Variants in NPRL3 observed in about 807,000 individuals in gnomAD.
The protein encoded by NPRL3 is GATOR1 complex protein NPRL3.
Under a neutral mutation model 57.2 loss-of-function variants are expected in NPRL3, and 23 were observed. The observed-to-expected ratio is 0.40, with a 90% CI of 0.29 to 0.57. NPRL3 has a LOEUF of 0.57. Among genes scored for constraint, NPRL3 ranks in the 20% least tolerant of loss-of-function variants. The pLI, the probability that NPRL3 is intolerant of heterozygous loss-of-function variation, is 0.42. For synonymous variants in NPRL3, 333 were observed against 321.1 expected, an observed-to-expected ratio of 1.04 and a Z score of -0.39; for missense variants, 691 against 767.1, an observed-to-expected ratio of 0.90 and a Z score of 1.17.
rs8057930 is a variant in NPRL3, at chr16:97,972, G to A, written c.924+173C>T. On this transcript the variant is annotated intron_variant, in intron 9 of 13. Coordinates refer to ENST00000611875, the MANE Select transcript of NPRL3 (RefSeq NM_001077350.3). ...CAAAGCCAGCCCTGAACCCAGGTCTGACTCAGATGCCAAAACCTCCAGCCA... is the reference window on the plus strand; with the variant it reads ...CAAAGCCAGCCCTGAACCCAGGTCTAACTCAGATGCCAAAACCTCCAGCCA... Among the ~76,000 whole-genome samples the A allele has an allele frequency of 7.8e-3, 1,191 of 152,282 alleles. 20 individuals carry two copies. Among genetic ancestry groups the A allele is most frequent in the African/African-American group, 0.027 (1,116 of 41,552 alleles).
At chr16:116,179 A>AC (rs1337554811) in intron 5 of NPRL3, among the ~76,000 whole-genome samples, 1 of 151,708 alleles carries the variant, frequency 6.6e-6, no homozygotes, top group Non-Finnish European at 1.5e-5. Context: ...TCCTGCAAAC[A>AC]CTGTTCCCCG....
intron 8 of NPRL3, among the ~76,000 whole-genome samples, chr16:99,959 C>CAAAAAA (rs11304941): frequency 2.4e-3 from 145 of 59,618 alleles, no homozygotes; most frequent in East Asian, 4.5e-3. Flanking sequence ...CACACCCCCG[C>CAAAAAA]AAAAAAAAAA....
intron 5 of NPRL3, 29 bp from the exon 6 acceptor site, chr16:112,804 A>C: frequency 6.5e-7 from 1 of 1,549,420 alleles, no homozygotes; most frequent in Non-Finnish European, 8.8e-7. Context: ...ACACAGACTC[A>C]AACGTGTGCA....
chr16:89,997 GC>G, intron 11 of NPRL3, 95 bp from the exon 12 acceptor site: 1 of 1,154,440 alleles, frequency 8.7e-7, no homozygotes, highest in African/African-American at 1.6e-5. Flanking sequence ...GCCACAGCAC[GC>G]TCCCTGTGCT....
chr16:108,092 C>G (rs1281530803), intron 7 of NPRL3, among the ~76,000 whole-genome samples: 1 of 152,228 alleles, frequency 6.6e-6, no homozygotes, highest in Non-Finnish European at 1.5e-5. Context: ...CTGGCAAGGG[C>G]TGATGTTCTC....
chr16:138,119 A>C (rs1901199167), intron 2 of NPRL3, 31 bp downstream of exon 2: 1 of 1,537,016 alleles, frequency 6.5e-7, no homozygotes, highest in African/African-American at 1.4e-5. Flanking sequence ...GGCCCCCGCG[A>C]GCGCCAGGCC....
intron 9 of NPRL3, 29 bp from the exon 10 acceptor site, chr16:93,354 C>T (rs1898846221): frequency 2.1e-6 from 3 of 1,457,562 alleles, no homozygotes; most frequent in Non-Finnish European, 2.8e-6. Flanking sequence ...CTGCAAGGAC[C>T]ATGCCTGAGG....
chr16:110,487 A>G (rs780665592), intron 7 of NPRL3, 38 bp downstream of exon 7: 13 of 1,557,858 alleles, frequency 8.3e-6, no homozygotes, highest in African/African-American at 2.7e-5. Flanking sequence ...AGGCTGGCCC[A>G]TAAGAAGGAG....
chr16:95,342 TATATATATACAC>T (rs1174287101), intron 9 of NPRL3, among the ~76,000 whole-genome samples: 30 of 55,582 alleles, frequency 5.4e-4, no homozygotes, highest in African/African-American at 1.1e-3. Flanking sequence ...TATATATATA[TATATATATACAC>T]ACACACACAC....
At chr16:130,820 G>C (rs1900756222) in intron 2 of NPRL3, among the ~76,000 whole-genome samples, 1 of 152,220 alleles carries the variant, frequency 6.6e-6, no homozygotes, top group East Asian at 1.9e-4. Flanking sequence ...GAAATGTCTA[G>C]AACAGGCAAA....
At chr16:96,156 G>A (rs1898995607) in intron 9 of NPRL3, among the ~76,000 whole-genome samples, 1 of 152,206 alleles carries the variant, frequency 6.6e-6, no homozygotes, top group African/African-American at 2.4e-5. Context: ...GACTCTGAGA[G>A]CAAGGGTGAG....
intron 7 of NPRL3, among the ~76,000 whole-genome samples, chr16:107,272 CA>C (rs1209139709): frequency 6.6e-6 from 1 of 152,194 alleles, no homozygotes; most frequent in African/African-American, 2.4e-5. Flanking sequence ...ACACAACAGG[CA>C]GTCCAAGGTT....
At chr16:92,946 C>T (rs1441641086) in intron 10 of NPRL3, 3 of 627,738 alleles carry the variant, frequency 4.8e-6, no homozygotes, top group East Asian at 2.8e-5. Flanking sequence ...TCCTGCATCT[C>T]ACCTCTGATC....
intron 2 of NPRL3, among the ~76,000 whole-genome samples, chr16:132,949 G>A (rs957392217): frequency 5.9e-5 from 9 of 151,810 alleles, no homozygotes; most frequent in African/African-American, 1.7e-4. Context: ...GATTACAGGC[G>A]TGAGCCACCG....
In NPRL3 at chr16:85,801, T is replaced by C. The variant is rs1898439690; in HGVS notation, c.*904A>G. 2.1e-6 allele frequency: 3 copies of C among 1,458,580 alleles called. No homozygotes were observed. Among genetic ancestry groups the C allele is most frequent in the African/African-American group, 2.8e-5 (2 of 70,298 alleles). 90.4% of individuals were successfully genotyped at this position (1,458,580 alleles called of 1,614,324 possible). The stretch of plus-strand genomic sequence containing the variant: ...GAGCAAAGGGCCTGCCCAGACAAGA[T>C]TTTTTAATTGTTTAAAAACCGAATA... On this transcript the variant is annotated 3_prime_UTR_variant, in exon 14 of 14. Transcript: ENST00000611875.
chr16:119,376 G>T, intron 3 of NPRL3, 121 bp from the exon 4 acceptor site: 1 of 946,852 alleles, frequency 1.1e-6, no homozygotes, highest in South Asian at 1.6e-5. Context: ...GCTCTGCCCC[G>T]ACTGCTGGTG....
At chr16:114,156 G>A (rs1423803834) in intron 5 of NPRL3, among the ~76,000 whole-genome samples, 1 of 152,220 alleles carries the variant, frequency 6.6e-6, no homozygotes, top group Non-Finnish European at 1.5e-5. Flanking sequence ...TGATTATTCA[G>A]CTGAGGCACA....
rs929145545 is a variant in NPRL3 at position 104,301 on chromosome 16, T to C, written c.630-3792A>G. ...GAGCAAGACCCTGTCTCAAAAAAAA[T>C]TGAAATTAACGTTTAAAAAAAAAGA... On this transcript the variant is annotated intron_variant, in intron 7 of 13. Coordinates refer to ENST00000611875, the MANE Select transcript of NPRL3 (RefSeq NM_001077350.3). 1.1e-4 allele frequency among the ~76,000 whole-genome samples: 16 copies of C among 151,638 alleles called. No individual in the cohort carries two copies. In the South Asian group the frequency reaches 2.9e-3, roughly 28 times the overall value.
chr16:94,504 T>G (rs1264604966), intron 9 of NPRL3, among the ~76,000 whole-genome samples: 1 of 151,980 alleles, frequency 6.6e-6, no homozygotes, highest in African/African-American at 2.4e-5. Context: ...GTCCCAGCAT[T>G]TTGGGAGGGC....
Sources: gnomAD v4.1 joint callset for allele counts (sites outside exome capture counted in the v4.1 genomes callset) on GRCh38, gnomAD v4.1.1 for gene constraint, MANE v1.5 for transcripts, NCBI Gene and HGNC (gene_info 2026-07-23, HGNC 2026-07-21) for gene names.